SIRT2: variants seen among roughly 807,000 people sequenced by gnomAD.
The protein encoded by SIRT2 is sirtuin 2.
Under a neutral mutation model 57.4 loss-of-function variants are expected in SIRT2, and 40 were observed. That is an observed-to-expected ratio of 0.70 (90% CI 0.54 to 0.91). The LOEUF (loss-of-function observed/expected upper bound fraction) is 0.91. Ranked by LOEUF, SIRT2 falls within the 40% of genes least tolerant of loss-of-function variation. SIRT2 has a pLI of 0.00. For missense variants in SIRT2, 439 were observed against 510.4 expected, an observed-to-expected ratio of 0.86 and a Z score of 1.35; for synonymous variants, 161 against 195.7, an observed-to-expected ratio of 0.82 and a Z score of 1.48.
intron 10 of SIRT2, 65 bp downstream of exon 10, chr19:38,881,367 G>A (rs1600106534): frequency 9.6e-6 from 14 of 1,460,780 alleles, no homozygotes; most frequent in Middle Eastern, 1.7e-4. Flanking sequence ...CTTTGGGAGG[G>A]GGTCAGGGGG....
At chr19:38,884,998 C>T (rs531297470) in intron 8 of SIRT2, among the ~76,000 whole-genome samples, 1 of 152,252 alleles carries the variant, frequency 6.6e-6, no homozygotes, top group East Asian at 1.9e-4. Context: ...CATGCCTGGC[C>T]CTTCCTTGGC....
Position 38,879,138 on chromosome 19 carries a change from C to G in SIRT2, c.*17G>C. ...TGTCCCTGAGGAGCTCGGCATCCCG[C>G]CTGGGAGATGCAGCTGTCACTGGGG... On this transcript the variant is annotated 3_prime_UTR_variant, in exon 16 of 16. Transcript: ENST00000249396. The G allele has an allele frequency of 6.4e-7, 1 of 1,554,484 alleles. No homozygotes were observed.
chr19:38,880,445 C>A lies in SIRT2; in HGVS notation c.876+240G>T. 2.1e-6 allele frequency: 1 copy of A among 465,882 alleles called. No individual in the cohort carries two copies. Among genetic ancestry groups the A allele is most frequent in the Non-Finnish European group, 3.8e-6 (1 of 264,436 alleles). The allele number at this position is 465,882 out of a possible 1,614,324, so 28.9% of individuals were successfully genotyped here. Reference sequence around the variant, plus strand: ...TGCACCCCCTCCCACCTCCTCAGTCCCTGGAAGCCCGGCCTTCCTATCTGG... The same window carrying A: ...TGCACCCCCTCCCACCTCCTCAGTCACTGGAAGCCCGGCCTTCCTATCTGG... On this transcript the variant is annotated intron_variant, in intron 13 of 15. Coordinates refer to ENST00000249396, the MANE Select transcript of SIRT2 (RefSeq NM_012237.4). This position sits in a 1 kb window ranked among gnomAD's most constrained non-coding sequence, Gnocchi z 4.1.
intron 4 of SIRT2, among the ~76,000 whole-genome samples, chr19:38,891,114 T>C (rs183839445): frequency 2.6e-5 from 4 of 152,376 alleles, no homozygotes; most frequent in Non-Finnish European, 5.9e-5. Flanking sequence ...CGTGACCTTT[T>C]TGTGCCTCCT....
At chr19:38,894,234 C>A in intron 2 of SIRT2, 1 of 266,338 alleles carries the variant, frequency 3.8e-6, no homozygotes, top group Non-Finnish European at 7.2e-6. Context: ...GTAGCTGGGA[C>A]CACAGGCACG....
chr19:38,895,548 C>G (rs1973688329), intron 2 of SIRT2, among the ~76,000 whole-genome samples: 1 of 152,228 alleles, frequency 6.6e-6, no homozygotes. Flanking sequence ...TCAGACAACT[C>G]CCTTCCCCGG....
At chr19:38,892,706 TGA>T (rs1163465502) in intron 4 of SIRT2, among the ~76,000 whole-genome samples, 1 of 151,824 alleles carries the variant, frequency 6.6e-6, no homozygotes, top group Non-Finnish European at 1.5e-5. Flanking sequence ...CCTGAGTAAC[TGA>T]GACTACAGGC....
chr19:38,898,523 A>C, intron 1 of SIRT2, 98 bp from the exon 2 acceptor site: 1 of 507,172 alleles, frequency 2.0e-6, no homozygotes, highest in Non-Finnish European at 3.5e-6. Flanking sequence ...ACACCCACCA[A>C]CCTAGTTACA....
At chr19:38,886,875 G>A (rs1973358426) in intron 8 of SIRT2, among the ~76,000 whole-genome samples, 1 of 152,076 alleles carries the variant, frequency 6.6e-6, no homozygotes, top group South Asian at 2.1e-4. Flanking sequence ...CTCCCAAAGT[G>A]CTGGGATTAC....
At chr19:38,882,184 A>G (rs1973175752) in intron 9 of SIRT2, among the ~76,000 whole-genome samples, 1 of 146,300 alleles carries the variant, frequency 6.8e-6, no homozygotes. Context: ...ACCTGGCTAC[A>G]TTTTATTTTT....
chr19:38,886,891 T>A (rs1973359076), intron 8 of SIRT2, among the ~76,000 whole-genome samples: 1 of 152,094 alleles, frequency 6.6e-6, no homozygotes, highest in African/African-American at 2.4e-5. Context: ...ATTACAGACG[T>A]GAGCCACCGC....
Position 38,899,566 on chromosome 19 carries a change from C to G in SIRT2, c.-45G>C, listed in dbSNP as rs1224957010. Reference sequence around the variant, plus strand: ...TTGAGGCTGTCACCGACCGCTCTGTCCCGTCACCAACCACTGTGTCCCGTC... The same window carrying G: ...TTGAGGCTGTCACCGACCGCTCTGTGCCGTCACCAACCACTGTGTCCCGTC... On this transcript the variant is annotated 5_prime_UTR_variant, in exon 1 of 16. Transcript: ENST00000249396. The G allele has an allele frequency of 5.0e-6, 8 of 1,613,506 alleles. No individual in the cohort carries two copies. Among genetic ancestry groups the G allele is most frequent in the Non-Finnish European group, 6.8e-6 (8 of 1,179,814 alleles).
In SIRT2 at chr19:38,881,413, TC is replaced by T; in HGVS notation, c.691+18del. 6.2e-7 allele frequency: 1 copy of T among 1,613,020 alleles called. No individual in the cohort carries two copies. The highest frequency in any genetic ancestry group is 8.5e-7 in the Non-Finnish European group (1 of 1,179,126). Reference sequence around the variant, plus strand: ...CCCCACCCAAATCCACCTGGGCAGGTCCCTGGCCAGAGGCTCACCAGGCTTC... The same window carrying T: ...CCCCACCCAAATCCACCTGGGCAGGTCCTGGCCAGAGGCTCACCAGGCTTC... On this transcript the variant is annotated intron_variant, in intron 10 of 15. Transcript: ENST00000249396.
intron 2 of SIRT2, 186 bp from the exon 3 acceptor site, chr19:38,894,053 G>T: frequency 8.0e-7 from 1 of 1,256,036 alleles, no homozygotes; most frequent in Non-Finnish European, 1.1e-6. Context: ...TTGGAGTCCT[G>T]GCCATGCCCG....
chr19:38,898,894 G>A, intron 1 of SIRT2: 1 of 165,068 alleles, frequency 6.1e-6, no homozygotes, highest in Admixed American at 5.8e-5. Flanking sequence ...AAATTCCTGG[G>A]CTCAAGCGAT....
chr19:38,888,726 T>A (rs1973420810), intron 8 of SIRT2, among the ~76,000 whole-genome samples: 1 of 152,244 alleles, frequency 6.6e-6, no homozygotes, highest in African/African-American at 2.4e-5. Flanking sequence ...AACTCGCTCA[T>A]AACCAATGTG....
intron 8 of SIRT2, among the ~76,000 whole-genome samples, chr19:38,885,408 G>A (rs906881190): frequency 1.3e-5 from 2 of 150,326 alleles, no homozygotes; most frequent in Non-Finnish European, 3.0e-5. Flanking sequence ...CCCAGCCACT[G>A]TTTTCTTTTC....
chr19:38,882,584 C>T (rs1474070232), intron 9 of SIRT2, among the ~76,000 whole-genome samples: 7 of 150,602 alleles, frequency 4.6e-5, no homozygotes, highest in African/African-American at 7.3e-5. Context: ...TGCAGTGAGC[C>T]GAGATTGCAC....
chr19:38,887,474 C>T (rs989543315), intron 8 of SIRT2, among the ~76,000 whole-genome samples: 2 of 152,114 alleles, frequency 1.3e-5, no homozygotes, highest in Non-Finnish European at 2.9e-5. Context: ...CCTATGTTGC[C>T]CAGGCTGGTC....
Sources: allele counts gnomAD v4.1 joint callset (sites outside exome capture counted in the v4.1 genomes callset), GRCh38; gene constraint gnomAD v4.1.1; non-coding constraint Gnocchi (gnomAD v3.1); transcripts MANE v1.5; gene names NCBI Gene and HGNC (gene_info 2026-07-23, HGNC 2026-07-21).